Variants in PXDNL observed in about 807,000 individuals in gnomAD.
PXDNL encodes probable oxidoreductase PXDNL.
PXDNL carries 145 observed loss-of-function variants against 150.8 expected under a neutral mutation model. That is an observed-to-expected ratio of 0.96 (90% CI 0.84 to 1.10). PXDNL has a LOEUF of 1.10. Among genes scored for constraint, PXDNL ranks in the 50% least tolerant of loss-of-function variants. The pLI is 0.00. For synonymous variants in PXDNL, 757 were observed against 725.7 expected, an observed-to-expected ratio of 1.04 and a Z score of -0.69; for missense variants, 2,087 against 1,873.9, an observed-to-expected ratio of 1.11 and a Z score of -2.10.
intron 15 of PXDNL, among the ~76,000 whole-genome samples, chr8:51,412,113 G>A (rs1406997955): frequency 1.3e-5 from 2 of 152,138 alleles, no homozygotes. Flanking sequence ...AACCAAATAT[G>A]TTAAAAAGAA....
chr8:51,407,981 A>G, intron 17 of PXDNL, 86 bp downstream of exon 17: 1 of 1,213,114 alleles, frequency 8.2e-7, no homozygotes, highest in Non-Finnish European at 1.1e-6. Context: ...CCCCCAGGGA[A>G]CCAAATTCCA....
chr8:51,436,647 G>A (rs1809414452), intron 12 of PXDNL: 1 of 188,976 alleles, frequency 5.3e-6, no homozygotes, highest in Non-Finnish European at 1.1e-5. Context: ...GGAAATTTCA[G>A]ATTGTTTGAG....
chr8:51,462,012 G>A (rs2130028865), intron 8 of PXDNL, among the ~76,000 whole-genome samples: 1 of 152,262 alleles, frequency 6.6e-6, no homozygotes, highest in South Asian at 2.1e-4. Context: ...GAAACACGAT[G>A]CAAAAATCTA....
At chr8:51,345,100 A>G (rs953907863) in intron 20 of PXDNL, among the ~76,000 whole-genome samples, 4 of 152,248 alleles carry the variant, frequency 2.6e-5, no homozygotes, top group South Asian at 2.1e-4. Flanking sequence ...AAAATAGGAT[A>G]CATGGTTCCT....
At chr8:51,763,817 T>C (rs573619216) in intron 1 of PXDNL, among the ~76,000 whole-genome samples, 1 of 152,370 alleles carries the variant, frequency 6.6e-6, no homozygotes, top group South Asian at 2.1e-4. Flanking sequence ...CATGAATTAA[T>C]ACGTACTACT....
At chr8:51,808,402 G>A (rs1028116914) in intron 1 of PXDNL, among the ~76,000 whole-genome samples, 3 of 151,882 alleles carry the variant, frequency 2.0e-5, no homozygotes, top group Non-Finnish European at 4.4e-5. Flanking sequence ...ATAGACCCTA[G>A]AAACAGATCC....
chr8:51,667,847 T>A (rs990454167), intron 1 of PXDNL, among the ~76,000 whole-genome samples: 28 of 152,324 alleles, frequency 1.8e-4, no homozygotes, highest in African/African-American at 5.8e-4. Flanking sequence ...ACATCACATT[T>A]GCTCATTCCA....
chr8:51,605,183 T>C lies in PXDNL; in HGVS notation c.237-12485A>G, dbSNP rs866930175. On this transcript the variant is annotated intron_variant, in intron 2 of 22. Transcript: ENST00000356297. ...TATTTATGATAGATATAATGACATA[T>C]ACTAAGTGAAAAGCAATAATTTTCT... Among the ~76,000 whole-genome samples, 24 of 152,124 alleles carry C rather than the reference T, an allele frequency of 1.6e-4. 1 individual carries two copies. The highest frequency in any genetic ancestry group is 2.1e-4 in the South Asian group (1 of 4,828).
At chr8:51,657,031 T>A (rs1815165389) in intron 1 of PXDNL, among the ~76,000 whole-genome samples, 1 of 152,190 alleles carries the variant, frequency 6.6e-6, no homozygotes, top group African/African-American at 2.4e-5. Context: ...GTTGAAAACA[T>A]TGTAAGTCAA....
chr8:51,486,771 TATATATATATATATATATA>T (rs1563433407), intron 5 of PXDNL, among the ~76,000 whole-genome samples: 32 of 8,808 alleles, frequency 3.6e-3, no homozygotes, highest in African/African-American at 5.5e-3. Context: ...TATATATATA[TATATATATATATATATATA>T]TATATTTTTT....
At position 51,581,252 on chromosome 8, in the gene PXDNL, C is replaced by T. The variant is rs1813206413; in HGVS notation, c.308+11375G>A. Among the ~76,000 whole-genome samples, 4 of 151,986 alleles carry T rather than the reference C, an allele frequency of 2.6e-5. 1 individual carries two copies. The South Asian group carries it at 8.3e-4, about 32-fold the overall frequency. Reference sequence around the variant, plus strand: ...TCATAAAAGCATATGCTTGGGAGGCCAAGACGGGCAGATTGCCTGAGCTCA... The same window carrying T: ...TCATAAAAGCATATGCTTGGGAGGCTAAGACGGGCAGATTGCCTGAGCTCA... On this transcript the variant is annotated intron_variant, in intron 3 of 22. Transcript: ENST00000356297.
chr8:51,642,801 T>C (rs1563493200), intron 2 of PXDNL, among the ~76,000 whole-genome samples: 1 of 152,186 alleles, frequency 6.6e-6, no homozygotes. Context: ...CCCCATTGTC[T>C]CAGCCCAAAA....
intron 21 of PXDNL, among the ~76,000 whole-genome samples, chr8:51,333,780 C>T (rs940485864): frequency 1.8e-4 from 27 of 152,146 alleles, no homozygotes; most frequent in African/African-American, 6.0e-4. Context: ...CAATCCTAAA[C>T]ATATATGCAC....
intron 1 of PXDNL, among the ~76,000 whole-genome samples, chr8:51,701,062 T>C (rs1050529926): frequency 2.0e-5 from 3 of 151,916 alleles, no homozygotes; most frequent in African/African-American, 4.8e-5. Flanking sequence ...AATACAATAC[T>C]ATCCAGGTTT....
intron 2 of PXDNL, among the ~76,000 whole-genome samples, chr8:51,608,836 CAAA>C (rs59195880): frequency 3.4e-5 from 2 of 59,594 alleles, no homozygotes; most frequent in Admixed American, 2.3e-4. Flanking sequence ...GACTCTGTCT[CAAA>C]AAAAAAAAAA....
intron 4 of PXDNL, among the ~76,000 whole-genome samples, chr8:51,528,344 C>G (rs1023374121): frequency 8.6e-5 from 13 of 151,972 alleles, no homozygotes; most frequent in African/African-American, 2.9e-4. Context: ...TTTAAAAATG[C>G]GCAGATGCCC....
At chr8:51,564,645 A>C (rs556539048) in intron 3 of PXDNL, among the ~76,000 whole-genome samples, 1 of 151,770 alleles carries the variant, frequency 6.6e-6, no homozygotes, top group Non-Finnish European at 1.5e-5. Context: ...ACAGAGACAC[A>C]ACATAATGGG....
At chr8:51,806,668 A>G (rs6999031) in intron 1 of PXDNL, among the ~76,000 whole-genome samples, 104,591 of 152,142 alleles carry the variant, frequency 0.69, 42,404 homozygotes, top group Non-Finnish European at 0.9. Flanking sequence ...TTGGGCTTGT[A>G]TATTTTTGCC....
intron 17 of PXDNL, among the ~76,000 whole-genome samples, chr8:51,401,559 C>A (rs911840145): frequency 6.6e-6 from 1 of 152,104 alleles, no homozygotes. Context: ...TGACTAAGAG[C>A]GCATGGTAGT....
Sources: gnomAD v4.1 joint callset for allele counts (sites outside exome capture counted in the v4.1 genomes callset) on GRCh38, gnomAD v4.1.1 for gene constraint, MANE v1.5 for transcripts, NCBI Gene and HGNC (gene_info 2026-07-23, HGNC 2026-07-21) for gene names.